The following CHD5 variants were observed in gnomAD, a reference collection of about 807,000 sequenced individuals.
The protein encoded by CHD5 is ATP-dependent chromatin remodeler CHD5.
A neutral mutation model predicts 230.3 loss-of-function variants in CHD5; 69 were observed. The observed-to-expected ratio is 0.30, with a 90% CI of 0.25 to 0.37. CHD5 has a LOEUF of 0.37. Among genes scored for constraint, CHD5 ranks in the 10% least tolerant of loss-of-function variants. The pLI is 1.00. For missense variants in CHD5, 1,827 were observed against 2,622.8 expected, an observed-to-expected ratio of 0.70 and a Z score of 6.63; for synonymous variants, 1,064 against 1,065.9, an observed-to-expected ratio of 1.00 and a Z score of 0.03.
intron 9 of CHD5, among the ~76,000 whole-genome samples, chr1:6,148,386 G>A (rs1666944186): frequency 1.3e-5 from 2 of 152,334 alleles, no homozygotes; most frequent in Admixed American, 1.3e-4. Flanking sequence ...CAGGTCTGGG[G>A]TGGCTCCAGG....
chr1:6,108,856 T>G (rs1329098109), intron 38 of CHD5, among the ~76,000 whole-genome samples: 4 of 108,104 alleles, frequency 3.7e-5, no homozygotes, highest in Admixed American at 9.7e-5. Flanking sequence ...AATAGAGGGA[T>G]GGAGGGGTGG....
In CHD5 at chr1:6,146,834, T is replaced by C; in HGVS notation, c.1421A>G (p.His474Arg). The change falls in exon 10 of 42, where the codon CAC becomes CGC. Residue 474 changes from histidine to arginine, a missense_variant. His to Arg is a conservative substitution (Grantham distance 29). Coordinates refer to ENST00000262450, the MANE Select transcript of CHD5 (RefSeq NM_015557.3). This position sits in a 1 kb window ranked among gnomAD's most constrained non-coding sequence, Gnocchi z 5.1. Reference sequence around the variant, plus strand: ...GGCAGGGGGCTCCGTCCACCTCCAGTGTAGAATCCGCTGGACTTTGCCCTT... The same window carrying C: ...GGCAGGGGGCTCCGTCCACCTCCAGCGTAGAATCCGCTGGACTTTGCCCTT... ...PLKGKVQRIL[H>R]WRWTEPPAPF... 1.9e-6 allele frequency: 3 copies of C among 1,552,894 alleles called. No homozygotes were observed. The highest frequency in any genetic ancestry group is 2.6e-6 in the Non-Finnish European group (3 of 1,148,504).
rs866604140 is a variant in CHD5, at chr1:6,154,235, G to A, written c.745+425C>T. ...GGGTATGCAGACAAGAAGAAGAGACGGGCTCGACTGGGGCCTCCTCCTCCT... is the reference window on the plus strand; with the variant it reads ...GGGTATGCAGACAAGAAGAAGAGACAGGCTCGACTGGGGCCTCCTCCTCCT... On this transcript the variant is annotated intron_variant, in intron 5 of 41. Coordinates refer to ENST00000262450, the MANE Select transcript of CHD5 (RefSeq NM_015557.3). The surrounding 1 kb of genome is among the most constrained non-coding windows in gnomAD (Gnocchi z 7.0). Among the ~76,000 whole-genome samples, 4 of 152,126 alleles carry A rather than the reference G, an allele frequency of 2.6e-5. No individual in the cohort carries two copies. The highest frequency in any genetic ancestry group is 3.9e-4 in the East Asian group (2 of 5,178).
intron 2 of CHD5, 103 bp from the exon 3 acceptor site, chr1:6,159,618 G>T: frequency 1.2e-6 from 1 of 867,274 alleles, no homozygotes; most frequent in Non-Finnish European, 1.8e-6. Context: ...CCACGCTGGG[G>T]ATCGACCGAT....
chr1:6,175,598 TG>T (rs1390838593), intron 1 of CHD5, among the ~76,000 whole-genome samples: 1 of 150,270 alleles, frequency 6.7e-6, no homozygotes, highest in Non-Finnish European at 1.5e-5. Flanking sequence ...GGTGGATGGA[TG>T]GATTGGAGGA....
intron 38 of CHD5, among the ~76,000 whole-genome samples, chr1:6,107,682 A>G (rs1186822372): frequency 8.1e-5 from 8 of 98,214 alleles, no homozygotes; most frequent in Non-Finnish European, 1.2e-4. Context: ...ATGGAGGGAT[A>G]ATATAGGGAT....
Position 6,155,117 on chromosome 1 carries a change from GCTTCCTGTCCACACCCACAGC to G in CHD5, c.507-240_507-220del, listed in dbSNP as rs1667061523. Among the ~76,000 whole-genome samples, 3 of 113,676 alleles carry G rather than the reference GCTTCCTGTCCACACCCACAGC, an allele frequency of 2.6e-5. No homozygotes were observed. Among genetic ancestry groups the G allele is most frequent in the African/African-American group, 3.9e-5 (1 of 25,892 alleles). The allele number at this position is 113,676 out of a possible 152,430, so 74.6% of individuals were successfully genotyped here. A position where few individuals can be genotyped will look rare whatever the true frequency, so the allele number is the denominator to read the frequency against. On this transcript the variant is annotated intron_variant, in intron 4 of 41. Coordinates refer to ENST00000262450, the MANE Select transcript of CHD5 (RefSeq NM_015557.3). The surrounding 1 kb of genome is among the most constrained non-coding windows in gnomAD (Gnocchi z 4.0). ...CCACAGCCCACCCCCAAAACACCCA[GCTTCCTGTCCACACCCACAGC>G]CCACCCCCAAAACACCCAGCTTCCT...
Position 6,130,754 on chromosome 1 carries a change from G to A in CHD5, c.3263-426C>T, listed in dbSNP as rs1666642095. On this transcript the variant is annotated intron_variant, in intron 21 of 41. Transcript: ENST00000262450. This position sits in a 1 kb window ranked among gnomAD's most constrained non-coding sequence, Gnocchi z 4.9. ...GGGAAAACTCAGGGGCGCAGCTCCG[G>A]GACCTGGGGTCCCACCCCACTGGGC... Among the ~76,000 whole-genome samples, 1 of 152,188 alleles carries A rather than the reference G, an allele frequency of 6.6e-6. No homozygotes were observed. Among genetic ancestry groups the A allele is most frequent in the Non-Finnish European group, 1.5e-5 (1 of 68,022 alleles).
Position 6,134,087 on chromosome 1 carries a change from G to A in CHD5, c.3144+41C>T. ...AGCATCAGGGCAGGATGCTCTCTGT[G>A]GGGTGTGGAGCCGGGGCGGGGGTGG... is the stretch of plus-strand genomic sequence containing the variant. On this transcript the variant is annotated intron_variant, in intron 20 of 41. Transcript: ENST00000262450. This position sits in a 1 kb window ranked among gnomAD's most constrained non-coding sequence, Gnocchi z 6.3. The A allele has an allele frequency of 6.3e-7, 1 of 1,597,104 alleles. No homozygotes were observed.
At chr1:6,158,821 A>C (rs1010549656) in intron 3 of CHD5, among the ~76,000 whole-genome samples, 9 of 151,030 alleles carry the variant, frequency 6.0e-5, no homozygotes, top group African/African-American at 2.0e-4. Context: ...TCCCGGCTAA[A>C]ACGGTGAAAC....
At position 6,125,557 on chromosome 1, in the gene CHD5, G is replaced by A. The variant is rs1444068989; in HGVS notation, c.4227C>T (p.Pro1409=). Residue 1409 remains proline, a synonymous_variant, in exon 28 of 42, where the codon CCC becomes CCT. Transcript: ENST00000262450. This position sits in a 1 kb window ranked among gnomAD's most constrained non-coding sequence, Gnocchi z 6.7. ...TGCCACCAACTCGGGCGAGAAGCGG[G>A]GGCAGGGGCTTGTCCCTGTCACTCT... The part of the protein sequence containing the change: ...QLKSDRDKPL[P]PLLARVGGNI... 7.5e-6 allele frequency: 12 copies of A among 1,601,162 alleles called. No individual in the cohort carries two copies. Among genetic ancestry groups the A allele is most frequent in the Non-Finnish European group, 1.0e-5 (12 of 1,173,250 alleles).
rs1413767833 is a variant in CHD5 at position 6,103,431 on chromosome 1, G to GAC, written c.*2041_*2042dup. On this transcript the variant is annotated 3_prime_UTR_variant, in exon 42 of 42. Transcript: ENST00000262450. ...AGGGACCATCAGCCCTTGGGGTGGA[G>GAC]ACACAGACCCCTGCCCTGACCGCCA... The GAC allele has an allele frequency of 1.3e-5, 2 of 152,540 alleles. No individual in the cohort carries two copies. The highest frequency in any genetic ancestry group is 2.9e-5 in the Non-Finnish European group (2 of 68,274). 9.4% of individuals were successfully genotyped at this position (152,540 alleles called of 1,614,324 possible).
At chr1:6,160,489 G>GGCCCCAGCCAGAGAAGGAGA (rs1377313535) in intron 2 of CHD5, among the ~76,000 whole-genome samples, 3 of 151,410 alleles carry the variant, frequency 2.0e-5, no homozygotes, top group Non-Finnish European at 2.9e-5. Context: ...GCCAGGGAAG[G>GGCCCCAGCCAGAGAAGGAGA]GCCCCAGCCA....
chr1:6,135,750 C>A (rs1666736231), intron 17 of CHD5, among the ~76,000 whole-genome samples: 1 of 152,200 alleles, frequency 6.6e-6, no homozygotes, highest in Admixed American at 6.5e-5. Context: ...GTGGCTCATG[C>A]CTGTAATCCC....
At chr1:6,115,379 G>A (rs1214970928) in intron 33 of CHD5, among the ~76,000 whole-genome samples, 2 of 152,188 alleles carry the variant, frequency 1.3e-5, no homozygotes, top group African/African-American at 4.8e-5. Flanking sequence ...TCCCCTGGAA[G>A]GTGAAGAGGA....
Position 6,110,423 on chromosome 1 carries a change from T to C in CHD5, c.5353A>G (p.Lys1785Glu). ...EVHKGNYLEM[K>E]NKFLARRFKL... ...AACCTGCGGGCCAGGAACTTGTTCT[T>C]CATCTCCAGGTAGTTGCCCTTGTGG... is the stretch of plus-strand genomic sequence containing the variant. Residue 1785 changes from lysine (K) to glutamate (E), a missense_variant, in exon 37 of 42, where the codon AAG (lysine) becomes GAG (glutamate). Lys to Glu is a moderately conservative substitution (Grantham distance 56). Transcript: ENST00000262450. 6.2e-7 allele frequency: 1 copy of C among 1,614,052 alleles called. No individual in the cohort carries two copies. Among genetic ancestry groups the C allele is most frequent in the Non-Finnish European group, 8.5e-7 (1 of 1,180,032 alleles).
At chr1:6,117,929 C>T (rs1419717395) in intron 33 of CHD5, among the ~76,000 whole-genome samples, 1 of 152,020 alleles carries the variant, frequency 6.6e-6, no homozygotes, top group Non-Finnish European at 1.5e-5. Context: ...CAGTTCTACT[C>T]CTAGATATAT....
Position 6,134,599 on chromosome 1 carries a change from G to T in CHD5, c.3012+119C>A. ...AGGGAAACCTACCATGACAGCCACA[G>T]AAATCGCCACAATGGCCAGGAGAAC... is the stretch of plus-strand genomic sequence containing the variant. On this transcript the variant is annotated intron_variant, in intron 19 of 41. Coordinates refer to ENST00000262450, the MANE Select transcript of CHD5 (RefSeq NM_015557.3). The surrounding 1 kb of genome is among the most constrained non-coding windows in gnomAD (Gnocchi z 6.3). 1 of 1,127,368 alleles carries T rather than the reference G, an allele frequency of 8.9e-7. No homozygotes were observed. Among genetic ancestry groups the T allele is most frequent in the Non-Finnish European group, 1.3e-6 (1 of 757,708 alleles). 69.8% of individuals were successfully genotyped at this position (1,127,368 alleles called of 1,614,324 possible). A position where few individuals can be genotyped will look rare whatever the true frequency, so the allele number is the denominator to read the frequency against.
At chr1:6,161,192 C>T (rs114208423) in intron 2 of CHD5, among the ~76,000 whole-genome samples, 1,695 of 151,304 alleles carry the variant, frequency 0.011, 28 homozygotes, top group Middle Eastern at 0.076. Context: ...AGGCGGGGGG[C>T]CTCCCTGGAT....
Sources: allele counts gnomAD v4.1 joint callset (sites outside exome capture counted in the v4.1 genomes callset), GRCh38; gene constraint gnomAD v4.1.1; non-coding constraint Gnocchi (gnomAD v3.1); transcripts MANE v1.5; gene names NCBI Gene and HGNC (gene_info 2026-07-23, HGNC 2026-07-21).